The following REC114 variants were observed in gnomAD, a reference collection of about 807,000 sequenced individuals.
REC114 encodes the protein meiotic recombination protein REC114.
REC114 carries 27 observed loss-of-function variants against 31.3 expected under a neutral mutation model. The observed-to-expected ratio is 0.86, with a 90% confidence interval of 0.64 to 1.19. The LOEUF is 1.19. Among genes scored for constraint, REC114 ranks in the 50% most tolerant of loss-of-function variants. The pLI is 0.00. For synonymous variants in REC114, 134 were observed against 127.7 expected (o/e 1.05, Z -0.33); for missense variants, 344 against 326.9 (o/e 1.05, Z -0.40).
chr15:73,470,041 G>T (rs540299607), intron 1 of REC114, among the ~76,000 whole-genome samples: 45 of 152,110 alleles, frequency 3.0e-4, no homozygotes, highest in African/African-American at 9.6e-4. Flanking sequence ...TTTCTTGTAG[G>T]CAGCATATAG....
chr15:73,529,761 T>C (rs373062307), intron 2 of REC114, among the ~76,000 whole-genome samples: 11 of 152,338 alleles, frequency 7.2e-5, no homozygotes, highest in African/African-American at 2.4e-4. Context: ...TGTAGAATCA[T>C]GGAACTTACC....
At chr15:73,464,954 C>T (rs955407564) in intron 1 of REC114, among the ~76,000 whole-genome samples, 3 of 152,118 alleles carry the variant, frequency 2.0e-5, no homozygotes, top group African/African-American at 7.2e-5. Flanking sequence ...TGCAATATTG[C>T]AATCTCAGCT....
intron 2 of REC114, among the ~76,000 whole-genome samples, chr15:73,530,359 A>G (rs1411831984): frequency 6.6e-6 from 1 of 152,190 alleles, no homozygotes; most frequent in Non-Finnish European, 1.5e-5. Flanking sequence ...ACTGGTTATG[A>G]TTATTGAAAA....
In REC114 at chr15:73,446,688, G is replaced by C. The variant is rs140793163; in HGVS notation, c.159+3344G>C. 4.9e-3 allele frequency among the ~76,000 whole-genome samples: 752 copies of C among 152,100 alleles called. 6 individuals are homozygous for C. Among genetic ancestry groups the C allele is most frequent in the African/African-American group, 0.017 (713 of 41,490 alleles). On this transcript the variant is annotated intron_variant, in intron 1 of 5. Coordinates refer to ENST00000331090, the MANE Select transcript of REC114 (RefSeq NM_001042367.2). Reference sequence around the variant, plus strand: ...CATGTACAGAGGCCACAACATACCTGAAAAAACCTCAGCATGTAATGTATA... The same window carrying C: ...CATGTACAGAGGCCACAACATACCTCAAAAAACCTCAGCATGTAATGTATA...
At chr15:73,519,660 A>G (rs1392275799) in intron 2 of REC114, among the ~76,000 whole-genome samples, 1 of 152,234 alleles carries the variant, frequency 6.6e-6, no homozygotes, top group Non-Finnish European at 1.5e-5. Flanking sequence ...CAGGGTCTCA[A>G]AGAGATATTC....
Position 73,545,529 on chromosome 15 carries a change from C to A in REC114, c.333+4961C>A, listed in dbSNP as rs373770701. ...GTACCTGGGTTTTATCTTGGATCCA[C>A]ATGCATTGAAGTGGTATTTCTGGCT... is the stretch of plus-strand genomic sequence containing the variant. On this transcript the variant is annotated intron_variant, in intron 3 of 5. Coordinates refer to ENST00000331090, the MANE Select transcript of REC114 (RefSeq NM_001042367.2). Among the ~76,000 whole-genome samples the A allele has an allele frequency of 1.1e-4, 17 of 152,236 alleles. No homozygotes were observed. In the East Asian group the frequency reaches 2.7e-3, roughly 24 times the overall value.
intron 2 of REC114, among the ~76,000 whole-genome samples, chr15:73,497,818 G>A (rs1893550067): frequency 2.0e-5 from 3 of 152,132 alleles, no homozygotes; most frequent in African/African-American, 4.8e-5. Context: ...AAAGTGGAGA[G>A]GAACAGTTGT....
chr15:73,559,662 TCTTTC>T, intron 5 of REC114, 85 bp from the exon 6 acceptor site: 2 of 1,246,150 alleles, frequency 1.6e-6, no homozygotes, highest in South Asian at 3.8e-5. Flanking sequence ...ATTTCGCTAA[TCTTTC>T]CTTAAAGCAC....
chr15:73,556,487 A>G, intron 5 of REC114, 96 bp downstream of exon 5: 2 of 1,015,208 alleles, frequency 2.0e-6, no homozygotes, highest in Non-Finnish European at 2.9e-6. Context: ...TTAGGAGAGA[A>G]ACTTCTAAAG....
intron 1 of REC114, among the ~76,000 whole-genome samples, chr15:73,446,254 A>C (rs902833966): frequency 1.3e-5 from 2 of 152,182 alleles, no homozygotes; most frequent in Non-Finnish European, 2.9e-5. Context: ...ATTTTGGATT[A>C]TACACATACA....
intron 4 of REC114, among the ~76,000 whole-genome samples, chr15:73,552,283 C>G (rs1224394407): frequency 6.6e-6 from 1 of 152,172 alleles, no homozygotes; most frequent in Non-Finnish European, 1.5e-5. Flanking sequence ...TTGTGTGAGG[C>G]CAGATTTTCT....
In REC114 at chr15:73,524,413, G is replaced by T. The variant is rs189651801; in HGVS notation, c.250-16072G>T. Among the ~76,000 whole-genome samples the T allele has an allele frequency of 2.6e-5, 4 of 152,238 alleles. No individual in the cohort carries two copies. The East Asian group carries it at 7.7e-4, about 29-fold the overall frequency. On this transcript the variant is annotated intron_variant, in intron 2 of 5. Transcript: ENST00000331090. ...AGTTTGCAAGGAGAAAATGAATCTT[G>T]TTCATGCCCTAATTGAAGAGGATCA... is the stretch of plus-strand genomic sequence containing the variant.
At chr15:73,542,344 GAAAAAAAA>G (rs11315254) in intron 3 of REC114, among the ~76,000 whole-genome samples, 11 of 141,154 alleles carry the variant, frequency 7.8e-5, no homozygotes, top group Non-Finnish European at 1.5e-4. Context: ...AAAAAAAAAA[GAAAAAAAA>G]AAAGAAAAAA....
At chr15:73,457,613 T>G (rs190953373) in intron 1 of REC114, among the ~76,000 whole-genome samples, 19 of 149,600 alleles carry the variant, frequency 1.3e-4, no homozygotes, top group Non-Finnish European at 2.7e-4. Flanking sequence ...TTTTCTGTCA[T>G]TTCTCAGGAA....
At chr15:73,464,858 C>A (rs951013649) in intron 1 of REC114, among the ~76,000 whole-genome samples, 15 of 152,028 alleles carry the variant, frequency 9.9e-5, no homozygotes, top group African/African-American at 3.6e-4. Context: ...CTCAATCCAC[C>A]CTTCTGGCTG....
intron 2 of REC114, among the ~76,000 whole-genome samples, chr15:73,529,029 A>C (rs116066786): frequency 0.019 from 2,910 of 152,294 alleles, 108 homozygotes; most frequent in African/African-American, 0.066. Flanking sequence ...AACAGCAACA[A>C]AGATACTTGA....
intron 2 of REC114, among the ~76,000 whole-genome samples, chr15:73,530,374 A>T (rs972265024): frequency 6.6e-5 from 10 of 152,192 alleles, no homozygotes; most frequent in African/African-American, 2.4e-4. Flanking sequence ...TGAAAATTTA[A>T]TTTTTGCCTG....
At chr15:73,520,218 T>C (rs995445057) in intron 2 of REC114, among the ~76,000 whole-genome samples, 23 of 152,160 alleles carry the variant, frequency 1.5e-4, no homozygotes, top group Non-Finnish European at 4.4e-5. Context: ...TATCTCTTTT[T>C]TTTTTCGTTT....
At chr15:73,452,295 A>G (rs1470231724) in intron 1 of REC114, among the ~76,000 whole-genome samples, 1 of 152,266 alleles carries the variant, frequency 6.6e-6, no homozygotes, top group Non-Finnish European at 1.5e-5. Flanking sequence ...GTCTCAGGAT[A>G]TAAAATCAGT....
Sources: gnomAD v4.1 joint callset for allele counts (sites outside exome capture counted in the v4.1 genomes callset) on GRCh38, gnomAD v4.1.1 for gene constraint, MANE v1.5 for transcripts, NCBI Gene and HGNC (gene_info 2026-07-23, HGNC 2026-07-21) for gene names.